The following SASS6 variants were observed in gnomAD, a reference collection of about 807,000 sequenced individuals.
The protein encoded by SASS6 is SAS-6 centriolar assembly protein.
Under a neutral mutation model 94.9 loss-of-function variants are expected in SASS6, and 59 were observed. That is an observed-to-expected ratio of 0.62 (90% CI 0.50 to 0.77). SASS6 has a LOEUF of 0.77. Ranked by LOEUF, SASS6 falls within the 30% of genes least tolerant of loss-of-function variation. The pLI, the probability that SASS6 is intolerant of heterozygous loss-of-function variation, is 0.00. For synonymous variants in SASS6, 264 were observed against 270.0 expected (o/e 0.98, Z 0.22); for missense variants, 698 against 734.1 (o/e 0.95, Z 0.57).
At chr1:100,099,827 T>G (rs1458716977) in intron 14 of SASS6, among the ~76,000 whole-genome samples, 1 of 152,212 alleles carries the variant, frequency 6.6e-6, no homozygotes, top group Non-Finnish European at 1.5e-5. Context: ...TTTTTGGTCC[T>G]TAACAGTAAA....
chr1:100,087,961 A>C (rs891133514), intron 15 of SASS6, among the ~76,000 whole-genome samples, 178 bp downstream of exon 15: 19 of 152,208 alleles, frequency 1.2e-4, no homozygotes, highest in African/African-American at 4.1e-4. Flanking sequence ...GAAACAGAAA[A>C]AAGTATGAGA....
At chr1:100,125,757 G>A (rs1654572436) in intron 2 of SASS6, 125 bp downstream of exon 2, 2 of 644,492 alleles carry the variant, frequency 3.1e-6, no homozygotes, top group Non-Finnish European at 5.5e-6. Context: ...ATTTCCAACA[G>A]TTGCAAAATA....
Position 100,123,276 on chromosome 1 carries a change from C to T in SASS6, c.140G>A (p.Arg47His), listed in dbSNP as rs771543144. The T allele has an allele frequency of 7.8e-6, 12 of 1,532,812 alleles. No individual in the cohort carries two copies. Among genetic ancestry groups the T allele is most frequent in the East Asian group, 2.3e-5 (1 of 44,096 alleles). 95.0% of individuals were successfully genotyped at this position (1,532,812 alleles called of 1,614,324 possible). ...AAATGGATCCGTGTCATCAGTCAGA[C>T]GAATAACTAAGTCCTAAAAGAAAGT... Reference protein sequence around the residue: ...NPVHRKDLVIRLTDDTDPFFL... With the variant: ...NPVHRKDLVIHLTDDTDPFFL... Residue 47 changes from arginine (R) to histidine (H), a missense_variant, in exon 3 of 17, where the codon CGT becomes CAT. By Grantham distance (29) the Arg-to-His change is conservative. Transcript: ENST00000287482.
chr1:100,112,579 A>T (rs948697945), intron 7 of SASS6, among the ~76,000 whole-genome samples: 4 of 152,238 alleles, frequency 2.6e-5, no homozygotes, highest in African/African-American at 9.6e-5. Context: ...CTTAAAGATA[A>T]CACAGGTTTA....
chr1:100,123,479 C>T (rs192402871), intron 2 of SASS6, among the ~76,000 whole-genome samples, 190 bp from the exon 3 acceptor site: 10 of 152,168 alleles, frequency 6.6e-5, no homozygotes, highest in East Asian at 1.9e-4. Flanking sequence ...GTAGACATTC[C>T]GCTCTTTAAA....
At chr1:100,108,072 A>C in intron 8 of SASS6, 68 bp from the exon 9 acceptor site, 1 of 887,628 alleles carries the variant, frequency 1.1e-6, no homozygotes, top group Non-Finnish European at 1.7e-6. Flanking sequence ...GTTATTTATA[A>C]TTAAGATGTC....
At position 100,106,930 on chromosome 1, in the gene SASS6, GA is replaced by G; in HGVS notation, c.1389del (p.Leu464Ter). 7.3e-7 allele frequency: 1 copy of G among 1,363,538 alleles called. No homozygotes were observed. Among genetic ancestry groups the G allele is most frequent in the Non-Finnish European group, 1.0e-6 (1 of 957,470 alleles). The allele number at this position is 1,363,538 out of a possible 1,614,324, so 84.5% of individuals were successfully genotyped here. A position where few individuals can be genotyped will look rare whatever the true frequency, so the allele number is the denominator to read the frequency against. ...TACTTACACTTTTCATTATTTTTTAGAAGTTGTTTGCTTTCTTCAAGTTTTT... is the reference window on the plus strand; with the variant it reads ...TACTTACACTTTTCATTATTTTTTAGAGTTGTTTGCTTTCTTCAAGTTTTT... ...TVKKLEESKQ[L>X]LKNNEKLITW... On this transcript the variant is annotated frameshift_variant, in exon 12 of 17. Transcript: ENST00000287482. LOFTEE classifies it high-confidence loss of function.
intron 1 of SASS6, among the ~76,000 whole-genome samples, chr1:100,130,995 T>C (rs1178745754): frequency 6.6e-6 from 1 of 152,214 alleles, no homozygotes; most frequent in Non-Finnish European, 1.5e-5. Context: ...TAAAGGTTTC[T>C]AAGCAGAGAA....
intron 14 of SASS6, among the ~76,000 whole-genome samples, chr1:100,100,485 A>G (rs1652395744): frequency 6.6e-6 from 1 of 152,228 alleles, no homozygotes; most frequent in Admixed American, 6.5e-5. Flanking sequence ...TTTGGCTATC[A>G]TTGTATCCAA....
chr1:100,107,581 C>G, intron 10 of SASS6, 28 bp from the exon 11 acceptor site: 3 of 1,562,322 alleles, frequency 1.9e-6, no homozygotes, highest in Non-Finnish European at 1.7e-6. Context: ...ATGTATATTT[C>G]TATGTAATTT....
In SASS6 at chr1:100,109,247, G is replaced by A. The variant is rs964180054; in HGVS notation, c.861+1045C>T. 3.3e-5 allele frequency among the ~76,000 whole-genome samples: 5 copies of A among 152,126 alleles called. No individual in the cohort carries two copies. In the South Asian group the frequency reaches 1.0e-3, roughly 32 times the overall value. On this transcript the variant is annotated intron_variant, in intron 8 of 16. Coordinates refer to ENST00000287482, the MANE Select transcript of SASS6 (RefSeq NM_194292.3). ...TATTATTGGGGCAAAACAATATGAGGATCTGAACACAAAATTGGTCAGGCT... is the reference window on the plus strand; with the variant it reads ...TATTATTGGGGCAAAACAATATGAGAATCTGAACACAAAATTGGTCAGGCT...
At chr1:100,090,914 G>C (rs1484312396) in intron 14 of SASS6, among the ~76,000 whole-genome samples, 1 of 152,098 alleles carries the variant, frequency 6.6e-6, no homozygotes, top group Non-Finnish European at 1.5e-5. Flanking sequence ...CATACCAAAG[G>C]CTTTGGGAAC....
chr1:100,121,627 T>C (rs1463304747), intron 4 of SASS6, 78 bp from the exon 5 acceptor site: 1 of 817,188 alleles, frequency 1.2e-6, no homozygotes, highest in Admixed American at 2.7e-5. Context: ...GCTTCTCTAC[T>C]TAAGAAAGCT....
chr1:100,091,925 T>C (rs971492384), intron 14 of SASS6, among the ~76,000 whole-genome samples: 2 of 148,648 alleles, frequency 1.3e-5, no homozygotes, highest in Non-Finnish European at 3.0e-5. Flanking sequence ...GGAGGAATGC[T>C]TGATCCTGGG....
intron 14 of SASS6, among the ~76,000 whole-genome samples, chr1:100,094,999 G>A (rs1241072347): frequency 6.6e-6 from 1 of 151,980 alleles, no homozygotes; most frequent in African/African-American, 2.4e-5. Context: ...AATACAATCT[G>A]TTAACTGATA....
rs760796485 is a variant in SASS6 at position 100,125,935 on chromosome 1, T to C, written c.73A>G (p.Ser25Gly). ...TGTAGTTCAATGCTCATTCTTATAC[T>C]TACTCTCCTGTAGGAAAAGACATAC... The part of the protein sequence containing the change: ...KCKDCEERRV[S>G]IRMSIELQSV... The change falls in exon 2 of 17, where the codon AGT (serine) becomes GGT (glycine). Residue 25 changes from serine to glycine, a missense_variant. Transcript: ENST00000287482. 11 of 1,531,292 alleles carry C rather than the reference T, an allele frequency of 7.2e-6. No individual in the cohort carries two copies. Among genetic ancestry groups the C allele is most frequent in the Non-Finnish European group, 9.8e-6 (11 of 1,122,252 alleles). 94.9% of individuals were successfully genotyped at this position (1,531,292 alleles called of 1,614,324 possible).
chr1:100,091,288 C>G (rs1325680647), intron 14 of SASS6, among the ~76,000 whole-genome samples: 4 of 151,998 alleles, frequency 2.6e-5, no homozygotes, highest in African/African-American at 9.7e-5. Flanking sequence ...CAGAGTGAAA[C>G]TCTTTTGAAA....
chr1:100,112,106 T>A (rs1455125170), intron 7 of SASS6, among the ~76,000 whole-genome samples: 2 of 149,494 alleles, frequency 1.3e-5, no homozygotes, highest in East Asian at 4.0e-4. Flanking sequence ...GGAAAAAAAA[T>A]AATCATTGGA....
rs1654334983 is a variant in SASS6, at chr1:100,123,201, T to G, written c.206+9A>C. On this transcript the variant is annotated intron_variant, in intron 3 of 16. Coordinates refer to ENST00000287482, the MANE Select transcript of SASS6 (RefSeq NM_194292.3). ...CACTAAATATAAGATCAGAAAAAAA[T>G]TTAGTTACCTTTGAAAATCTTCCTC... is the stretch of plus-strand genomic sequence containing the variant. The G allele has an allele frequency of 2.4e-6, 3 of 1,254,044 alleles. No individual in the cohort carries two copies. The East Asian group carries it at 7.0e-5, about 29-fold the overall frequency. 77.7% of individuals were successfully genotyped at this position (1,254,044 alleles called of 1,614,324 possible).
Sources: allele counts gnomAD v4.1 joint callset (sites outside exome capture counted in the v4.1 genomes callset), GRCh38; gene constraint gnomAD v4.1.1; transcripts MANE v1.5; gene names NCBI Gene and HGNC (gene_info 2026-07-23, HGNC 2026-07-21).